ESRRG: variants seen among roughly 807,000 people sequenced by gnomAD.
ESRRG encodes the protein estrogen related receptor gamma.
A neutral mutation model predicts 44.0 loss-of-function variants in ESRRG; 13 were observed. The ratio of observed to expected loss-of-function variants is 0.30; its 90% confidence interval spans 0.19 to 0.47. The LOEUF (loss-of-function observed/expected upper bound fraction) is 0.47. Among genes scored for constraint, ESRRG ranks in the 20% least tolerant of loss-of-function variants. The probability of loss-of-function intolerance (pLI) is 1.00; values close to 1 mark genes in which losing one functional copy is unlikely to be tolerated. For synonymous variants in ESRRG, 215 were observed against 214.6 expected, an observed-to-expected ratio of 1.00 and a Z score of -0.02; for missense variants, 395 against 580.6, an observed-to-expected ratio of 0.68 and a Z score of 3.29.
chr1:216,517,435 TTA>T (rs1448249633), intron 6 of ESRRG, among the ~76,000 whole-genome samples: 1 of 152,196 alleles, frequency 6.6e-6, no homozygotes, highest in African/African-American at 2.4e-5. Context: ...ATATCTAAAA[TTA>T]TACATTTTTA....
At chr1:216,630,277 A>G (rs879805718) in intron 3 of ESRRG, among the ~76,000 whole-genome samples, 8 of 152,156 alleles carry the variant, frequency 5.3e-5, no homozygotes, top group Non-Finnish European at 1.0e-4. Flanking sequence ...AGTGCTCTAA[A>G]TCACAATCAT....
intron 1 of ESRRG, among the ~76,000 whole-genome samples, chr1:217,007,990 G>T (rs1465310016): frequency 6.6e-6 from 1 of 152,182 alleles, no homozygotes; most frequent in Non-Finnish European, 1.5e-5. Context: ...CAGATCTTCT[G>T]CACAGTGTGT....
At chr1:216,690,203 A>G (rs1402716104) in intron 1 of ESRRG, among the ~76,000 whole-genome samples, 2 of 152,080 alleles carry the variant, frequency 1.3e-5, no homozygotes, top group Non-Finnish European at 2.9e-5. Flanking sequence ...CTGAAAACAA[A>G]TCAACTGTCC....
chr1:216,585,107 T>C (rs1329926118), intron 3 of ESRRG, among the ~76,000 whole-genome samples: 1 of 152,164 alleles, frequency 6.6e-6, no homozygotes, highest in Non-Finnish European at 1.5e-5. Flanking sequence ...CTAATTAAGA[T>C]GGTAGGGGTC....
chr1:216,957,484 C>G (rs1008525644), intron 1 of ESRRG, among the ~76,000 whole-genome samples: 3 of 152,136 alleles, frequency 2.0e-5, no homozygotes, highest in Admixed American at 2.0e-4. Flanking sequence ...CAAATCTATC[C>G]TTCCCCAATA....
chr1:216,963,836 G>C (rs1357224900), intron 1 of ESRRG, among the ~76,000 whole-genome samples: 2 of 152,142 alleles, frequency 1.3e-5, no homozygotes, highest in African/African-American at 2.4e-5. Flanking sequence ...TCTCGGTCTA[G>C]TGGGAGAGTC....
intron 2 of ESRRG, among the ~76,000 whole-genome samples, chr1:216,903,352 C>T (rs1336440539): frequency 6.6e-6 from 1 of 151,776 alleles, no homozygotes; most frequent in Non-Finnish European, 1.5e-5. Context: ...CTAAAAGGCA[C>T]TTAGACAAAG....
chr1:217,136,678 C>T (rs2093054805), intron 1 of ESRRG, among the ~76,000 whole-genome samples: 1 of 152,190 alleles, frequency 6.6e-6, no homozygotes, highest in African/African-American at 2.4e-5. Flanking sequence ...ACTGCCCGCC[C>T]TTCCCCTTTC....
At chr1:216,996,880 G>A (rs1286927194) in intron 1 of ESRRG, among the ~76,000 whole-genome samples, 1 of 151,936 alleles carries the variant, frequency 6.6e-6, no homozygotes, top group African/African-American at 2.4e-5. Flanking sequence ...GCAAAAGAAA[G>A]CATTAAATAT....
At chr1:216,878,855 A>G (rs779215401) in intron 2 of ESRRG, among the ~76,000 whole-genome samples, 14 of 152,238 alleles carry the variant, frequency 9.2e-5, no homozygotes, top group Non-Finnish European at 2.1e-4. Context: ...ATAAATGGCT[A>G]GGAGATCTTT....
At chr1:216,967,216 C>T (rs1205894826) in intron 1 of ESRRG, among the ~76,000 whole-genome samples, 5 of 152,074 alleles carry the variant, frequency 3.3e-5, no homozygotes, top group African/African-American at 1.2e-4. Flanking sequence ...ACATTTGCTA[C>T]AACTAATGAA....
At chr1:216,940,701 C>T (rs1021662693) in intron 1 of ESRRG, among the ~76,000 whole-genome samples, 1 of 152,096 alleles carries the variant, frequency 6.6e-6, no homozygotes, top group Non-Finnish European at 1.5e-5. Flanking sequence ...ATTAGAAGAC[C>T]CTCAGAGGGA....
intron 1 of ESRRG, among the ~76,000 whole-genome samples, chr1:216,941,851 A>G (rs974747801): frequency 6.6e-6 from 1 of 152,144 alleles, no homozygotes; most frequent in Admixed American, 6.6e-5. Context: ...ACTACTATTT[A>G]TCTCATTTTT....
At chr1:216,849,076 A>G (rs1397617779) in intron 2 of ESRRG, among the ~76,000 whole-genome samples, 1 of 152,176 alleles carries the variant, frequency 6.6e-6, no homozygotes, top group Non-Finnish European at 1.5e-5. Context: ...TCTCTTTTCT[A>G]TAAACTTATT....
At chr1:216,771,636 AG>A (rs1302337539) in intron 2 of ESRRG, among the ~76,000 whole-genome samples, 2 of 152,134 alleles carry the variant, frequency 1.3e-5, no homozygotes, top group African/African-American at 4.8e-5. Flanking sequence ...TGTATTTAAA[AG>A]CTTCCTTATG....
chr1:216,781,094 C>T (rs1354109304), intron 2 of ESRRG, among the ~76,000 whole-genome samples: 1 of 151,884 alleles, frequency 6.6e-6, no homozygotes, highest in Admixed American at 6.6e-5. Flanking sequence ...TTATCCAAAA[C>T]AAATAAGAAA....
At chr1:216,976,729 A>G (rs1460314877) in intron 1 of ESRRG, among the ~76,000 whole-genome samples, 2 of 152,072 alleles carry the variant, frequency 1.3e-5, no homozygotes, top group African/African-American at 4.8e-5. Flanking sequence ...CCCTTCAGTG[A>G]TGTGGTTTGT....
chr1:216,528,942 C>G (rs181860500), intron 5 of ESRRG, among the ~76,000 whole-genome samples: 1 of 152,054 alleles, frequency 6.6e-6, no homozygotes, highest in Non-Finnish European at 1.5e-5. Context: ...AGTAAGGGCC[C>G]TTCCTATGAT....
rs1163840052 is a variant in ESRRG at position 217,038,639 on chromosome 1, C to T, written c.-106+50868G>A. ...CCTAGGCTGCATAGAGCAGGGGGTT[C>T]CCTAGGCTCAGGCCAGGAAGCCATC... On this transcript the variant is annotated intron_variant, in intron 1 of 7. Transcript: ENST00000359162. 2.0e-5 allele frequency among the ~76,000 whole-genome samples: 3 copies of T among 152,198 alleles called. No individual in the cohort carries two copies. The East Asian group carries it at 5.8e-4, about 29-fold the overall frequency.
Sources: gnomAD v4.1 joint callset for allele counts (sites outside exome capture counted in the v4.1 genomes callset) on GRCh38, gnomAD v4.1.1 for gene constraint, MANE v1.5 for transcripts, NCBI Gene and HGNC (gene_info 2026-07-23, HGNC 2026-07-21) for gene names.